GRAMD1C: variants seen among roughly 807,000 people sequenced by gnomAD.
The protein encoded by GRAMD1C is GRAM domain containing 1C.
A neutral mutation model predicts 97.8 loss-of-function variants in GRAMD1C; 89 were observed. The observed-to-expected ratio is 0.91, with a 90% CI of 0.77 to 1.09. The LOEUF is 1.09. GRAMD1C is among the 50% of genes least tolerant of loss of function. The pLI is 0.00. For missense variants in GRAMD1C, 740 were observed against 766.4 expected (o/e 0.97, Z 0.41); for synonymous variants, 256 against 267.0 (o/e 0.96, Z 0.40).
rs7639621 is a variant in GRAMD1C at position 113,850,002 on chromosome 3, T to C, written c.174+5353T>C. Among the ~76,000 whole-genome samples the C allele has an allele frequency of 6.9e-3, 709 of 102,972 alleles. 3 individuals are homozygous for C. The highest frequency in any genetic ancestry group is 0.012 in the African/African-American group (254 of 22,018). The allele number at this position is 102,972 out of a possible 152,430, so 67.6% of individuals were successfully genotyped here. A position where few individuals can be genotyped will look rare whatever the true frequency, so the allele number is the denominator to read the frequency against. On this transcript the variant is annotated intron_variant, in intron 2 of 17. Transcript: ENST00000358160. ...CCCCCCACCTCCCTCCCGGACGGGGTGGCTGGCCGGGCGGGGGGCTGACCC... is the reference window on the plus strand; with the variant it reads ...CCCCCCACCTCCCTCCCGGACGGGGCGGCTGGCCGGGCGGGGGGCTGACCC...
At chr3:113,857,655 C>T (rs1934200949) in intron 2 of GRAMD1C, among the ~76,000 whole-genome samples, 3 of 152,190 alleles carry the variant, frequency 2.0e-5, no homozygotes, top group Admixed American at 2.0e-4. Flanking sequence ...GGATTACAGG[C>T]ATGAGCCACC....
intron 10 of GRAMD1C, among the ~76,000 whole-genome samples, 168 bp from the exon 11 acceptor site, chr3:113,930,546 C>T (rs1263069780): frequency 6.6e-6 from 1 of 152,194 alleles, no homozygotes; most frequent in African/African-American, 2.4e-5. Context: ...GAGTGCTTAA[C>T]ATTTAATCTC....
rs1938078628 is a variant in GRAMD1C at position 113,946,366 on chromosome 3, T to A, written c.*888T>A. ...TGGCTTCCTTCTTTATGTATGTGTGTGACTTGTTTTGATTGGTAAGTTATA... is the reference window on the plus strand; with the variant it reads ...TGGCTTCCTTCTTTATGTATGTGTGAGACTTGTTTTGATTGGTAAGTTATA... On this transcript the variant is annotated 3_prime_UTR_variant, in exon 18 of 18. Coordinates refer to ENST00000358160, the MANE Select transcript of GRAMD1C (RefSeq NM_017577.5). The A allele has an allele frequency of 6.6e-6, 1 of 152,552 alleles. No homozygotes were observed. Among genetic ancestry groups the A allele is most frequent in the Non-Finnish European group, 1.5e-5 (1 of 68,038 alleles). The allele number at this position is 152,552 out of a possible 1,614,324, so 9.4% of individuals were successfully genotyped here. A position where few individuals can be genotyped will look rare whatever the true frequency, so the allele number is the denominator to read the frequency against.
At chr3:113,895,659 C>G (rs1935910028) in intron 6 of GRAMD1C, among the ~76,000 whole-genome samples, 1 of 152,186 alleles carries the variant, frequency 6.6e-6, no homozygotes, top group Admixed American at 6.5e-5. Context: ...TATGTAATAG[C>G]ATGGCAGTAT....
chr3:113,888,494 C>T (rs774486745), intron 6 of GRAMD1C, among the ~76,000 whole-genome samples: 3 of 151,618 alleles, frequency 2.0e-5, no homozygotes, highest in Non-Finnish European at 2.9e-5. Flanking sequence ...GTTTTTTCAC[C>T]AGTACAAAAA....
chr3:113,924,326 A>G (rs1396581278), intron 10 of GRAMD1C, among the ~76,000 whole-genome samples: 1 of 150,880 alleles, frequency 6.6e-6, no homozygotes, highest in Non-Finnish European at 1.5e-5. Flanking sequence ...TTTGGGGTTG[A>G]TTTGCTCTTG....
At chr3:113,936,548 C>T in intron 14 of GRAMD1C, 106 bp downstream of exon 14, 1 of 661,846 alleles carries the variant, frequency 1.5e-6, no homozygotes, top group Non-Finnish European at 2.6e-6. Flanking sequence ...CCTTTTCTTC[C>T]CTCCTTTTTG....
intron 11 of GRAMD1C, among the ~76,000 whole-genome samples, chr3:113,933,177 G>A (rs949233690): frequency 2.6e-5 from 4 of 152,122 alleles, no homozygotes; most frequent in African/African-American, 4.8e-5. Flanking sequence ...GAGCCACTGC[G>A]TCTGGCCTAA....
chr3:113,834,026 C>A (rs963945962), upstream of GRAMD1C, among the ~76,000 whole-genome samples: 1 of 152,152 alleles, frequency 6.6e-6, no homozygotes, highest in Admixed American at 6.5e-5. Flanking sequence ...ATTTTTACTA[C>A]CAACTATTCT....
At chr3:113,851,864 T>G (rs1933922422) in intron 2 of GRAMD1C, among the ~76,000 whole-genome samples, 1 of 151,222 alleles carries the variant, frequency 6.6e-6, no homozygotes, top group Non-Finnish European at 1.5e-5. Context: ...TATTCTGTAC[T>G]TTATTTATTT....
At chr3:113,838,971 C>A in intron 1 of GRAMD1C, 35 bp downstream of exon 1, 1 of 1,224,256 alleles carries the variant, frequency 8.2e-7, no homozygotes, top group Non-Finnish European at 1.0e-6. Context: ...AGGTTCCCAT[C>A]TGTGGCTTTA....
chr3:113,842,978 C>T (rs539272857), intron 1 of GRAMD1C, among the ~76,000 whole-genome samples: 62 of 142,604 alleles, frequency 4.3e-4, no homozygotes, highest in South Asian at 2.2e-3. Context: ...AAAAACAAAA[C>T]AAAAAGAACC....
At chr3:113,890,716 A>G (rs1328512625) in intron 6 of GRAMD1C, 10 of 699,816 alleles carry the variant, frequency 1.4e-5, no homozygotes, top group Non-Finnish European at 2.6e-5. Context: ...TATATACTGT[A>G]TTGAATGTCC....
intron 6 of GRAMD1C, among the ~76,000 whole-genome samples, chr3:113,889,113 T>A (rs1001281846): frequency 5.9e-5 from 9 of 152,038 alleles, no homozygotes; most frequent in African/African-American, 1.5e-4. Context: ...AGCAGGAGAA[T>A]CACTTGAACC....
chr3:113,833,216 C>A (rs1350667734), intron 1 of GRAMD1C, among the ~76,000 whole-genome samples: 1 of 149,392 alleles, frequency 6.7e-6, no homozygotes, highest in East Asian at 2.0e-4. Context: ...TGGCTCACTG[C>A]AACCTCTGCC....
chr3:113,920,403 CTT>C (rs1367570707), intron 10 of GRAMD1C, among the ~76,000 whole-genome samples: 1 of 152,268 alleles, frequency 6.6e-6, no homozygotes, highest in South Asian at 2.1e-4. Flanking sequence ...AAAATGCTCT[CTT>C]TGAAACACTG....
chr3:113,883,486 C>T (rs910625937), intron 6 of GRAMD1C, among the ~76,000 whole-genome samples: 10 of 148,800 alleles, frequency 6.7e-5, no homozygotes, highest in South Asian at 4.3e-4. Context: ...TATCGTGCCA[C>T]GGCACTCCAG....
intron 7 of GRAMD1C, among the ~76,000 whole-genome samples, chr3:113,901,432 A>C (rs906258803): frequency 1.3e-5 from 2 of 152,198 alleles, no homozygotes; most frequent in Non-Finnish European, 1.5e-5. Flanking sequence ...TACCTAGTGA[A>C]ATCTCTGAGT....
At chr3:113,919,899 C>T in intron 10 of GRAMD1C, 1 of 650,192 alleles carries the variant, frequency 1.5e-6, no homozygotes, top group Non-Finnish European at 2.9e-6. Flanking sequence ...ACAGCAGAAA[C>T]AGAAACATCA....
Sources: allele counts gnomAD v4.1 joint callset (sites outside exome capture counted in the v4.1 genomes callset), GRCh38; gene constraint gnomAD v4.1.1; transcripts MANE v1.5; gene names NCBI Gene and HGNC (gene_info 2026-07-23, HGNC 2026-07-21).